Variants in NUMB observed in about 807,000 individuals in gnomAD.
NUMB encodes NUMB endocytic adaptor protein, also known as protein numb homolog.
In NUMB, 29 loss-of-function variants were observed where a neutral mutation model predicts 59.7. That is an observed-to-expected ratio of 0.49 (90% CI 0.36 to 0.66). The LOEUF (loss-of-function observed/expected upper bound fraction) is 0.66. NUMB is among the 30% of genes least tolerant of loss of function. NUMB has a pLI of 0.00. For missense variants in NUMB, 723 were observed against 822.0 expected (o/e 0.88, Z 1.47); for synonymous variants, 288 against 288.2 (o/e 1.00, Z 0.01).
chr14:73,300,437 G>C (rs1326501394), intron 6 of NUMB, among the ~76,000 whole-genome samples: 1 of 152,142 alleles, frequency 6.6e-6, no homozygotes, highest in Non-Finnish European at 1.5e-5. Context: ...CTTTGCTGGG[G>C]AGAGGAAAGA....
chr14:73,313,236 C>A (rs893233932), intron 6 of NUMB, among the ~76,000 whole-genome samples: 5 of 152,084 alleles, frequency 3.3e-5, no homozygotes, highest in Non-Finnish European at 5.9e-5. Flanking sequence ...GCAATCCACC[C>A]GCCCTTGGCC....
rs1889838318 is a variant in NUMB at position 73,297,198 on chromosome 14, TA to T, written c.309+12del. ...AAAATAAAATAAATCAAAATAAAAATAAAGAATCTTACCTTAGTTTTTTCAT... is the reference window on the plus strand; with the variant it reads ...AAAATAAAATAAATCAAAATAAAAATAAGAATCTTACCTTAGTTTTTTCAT... On this transcript the variant is annotated intron_variant, in intron 7 of 12. Coordinates refer to ENST00000555238, the MANE Select transcript of NUMB (RefSeq NM_001005743.2). The T allele has an allele frequency of 2.6e-6, 4 of 1,528,368 alleles. No individual in the cohort carries two copies. The highest frequency in any genetic ancestry group is 3.4e-4 in the Middle Eastern group (2 of 5,856). 94.7% of individuals were successfully genotyped at this position (1,528,368 alleles called of 1,614,324 possible). A position where few individuals can be genotyped will look rare whatever the true frequency, so the allele number is the denominator to read the frequency against.
At chr14:73,322,975 G>A in intron 5 of NUMB, 155 bp downstream of exon 5, 1 of 577,636 alleles carries the variant, frequency 1.7e-6, no homozygotes, top group Non-Finnish European at 3.0e-6. Flanking sequence ...ACAGGAGTGA[G>A]CCACCGCGCT....
At chr14:73,295,059 C>CA (rs1168287763) in intron 7 of NUMB, among the ~76,000 whole-genome samples, 14,470 of 66,846 alleles carry the variant, frequency 0.22, 1,925 homozygotes, top group African/African-American at 0.3. Context: ...GGCACTGTCT[C>CA]AAAAAAAAAA....
chr14:73,279,254 C>A lies in NUMB; in HGVS notation c.1240+27G>T, dbSNP rs559031272. On this transcript the variant is annotated intron_variant, in intron 12 of 12. Transcript: ENST00000555238. ...AGGGTCACTTATCTGATCCCAGAATCCTCAACACCATCTGTGGCCACCTTA... is the reference window on the plus strand; with the variant it reads ...AGGGTCACTTATCTGATCCCAGAATACTCAACACCATCTGTGGCCACCTTA... 50 of 1,614,074 alleles carry A rather than the reference C, an allele frequency of 3.1e-5. 3 individuals are homozygous for A. The South Asian group carries it at 5.1e-4, about 16-fold the overall frequency.
At chr14:73,319,049 G>A (rs1202006913) in intron 5 of NUMB, among the ~76,000 whole-genome samples, 1 of 152,152 alleles carries the variant, frequency 6.6e-6, no homozygotes, top group African/African-American at 2.4e-5. Context: ...CCAGGCTGGT[G>A]GATCACCTAA....
intron 1 of NUMB, chr14:73,457,619 G>A (rs1343379989): frequency 6.6e-6 from 1 of 152,226 alleles, no homozygotes; most frequent in Non-Finnish European, 1.5e-5. Context: ...CTCCCCTGCT[G>A]GCTCCTCACC....
chr14:73,277,249 A>G lies in NUMB; in HGVS notation c.1285T>C (p.Phe429Leu). 6.2e-7 allele frequency: 1 copy of G among 1,607,158 alleles called. No homozygotes were observed. Among genetic ancestry groups the G allele is most frequent in the Non-Finnish European group, 8.5e-7 (1 of 1,174,210 alleles). ...QSSGAASPGL[F>L]QAGHRRTPSE... The stretch of plus-strand genomic sequence containing the variant: ...GGAGTACGTCTATGACCGGCCTGGA[A>G]GAGACCTGGAGAGGCAGCACCAGAA... Residue 429 changes from phenylalanine to leucine, a missense_variant, in exon 13 of 13, where the codon TTC (phenylalanine) becomes CTC (leucine). By Grantham distance (22) the Phe-to-Leu change is conservative (BLOSUM62 0). Transcript: ENST00000555238.
At chr14:73,375,693 A>G (rs1450277095) in intron 2 of NUMB, among the ~76,000 whole-genome samples, 3 of 152,226 alleles carry the variant, frequency 2.0e-5, no homozygotes, top group African/African-American at 7.2e-5. Flanking sequence ...CAGAACATAT[A>G]AAAAGAATTA....
At chr14:73,292,972 C>G in intron 7 of NUMB, 98 bp from the exon 8 acceptor site, 1 of 1,185,150 alleles carries the variant, frequency 8.4e-7, no homozygotes, top group East Asian at 2.4e-5. Flanking sequence ...ATCCATACAT[C>G]TGATACAACT....
intron 1 of NUMB, among the ~76,000 whole-genome samples, chr14:73,413,140 A>G (rs1197665461): frequency 1.3e-5 from 2 of 151,640 alleles, no homozygotes; most frequent in Non-Finnish European, 2.9e-5. Flanking sequence ...GCTGGAGTGC[A>G]GTGGCGTGAT....
intron 11 of NUMB, 96 bp downstream of exon 11, chr14:73,282,263 C>A (rs1290014546): frequency 4.0e-6 from 5 of 1,253,302 alleles, no homozygotes; most frequent in Non-Finnish European, 5.6e-6. Flanking sequence ...CTGACCAGGC[C>A]TTGGGAAGCT....
At chr14:73,420,294 C>CA (rs1310498020) in intron 1 of NUMB, among the ~76,000 whole-genome samples, 1 of 152,228 alleles carries the variant, frequency 6.6e-6, no homozygotes, top group African/African-American at 2.4e-5. Context: ...GCCAGGTCAA[C>CA]AGACTCACAC....
chr14:73,374,877 T>C (rs1220722113), intron 2 of NUMB, among the ~76,000 whole-genome samples: 2 of 151,922 alleles, frequency 1.3e-5, no homozygotes, highest in African/African-American at 4.8e-5. Flanking sequence ...CCCACCACCA[T>C]GCCCAGCTAA....
intron 1 of NUMB, among the ~76,000 whole-genome samples, chr14:73,446,605 A>C (rs1181668910): frequency 1.8e-5 from 2 of 112,264 alleles, no homozygotes; most frequent in Admixed American, 8.0e-5. Flanking sequence ...ACTTTGTCTC[A>C]AAAAAAAAAA....
At chr14:73,351,501 T>A (rs8011215) in intron 4 of NUMB, among the ~76,000 whole-genome samples, 109,704 of 151,896 alleles carry the variant, frequency 0.72, 39,776 homozygotes, top group East Asian at 0.82. Context: ...ATAAATAAAT[T>A]AATTAATTAA....
At chr14:73,351,177 T>A (rs1385809532) in intron 4 of NUMB, among the ~76,000 whole-genome samples, 1 of 152,170 alleles carries the variant, frequency 6.6e-6, no homozygotes, top group Non-Finnish European at 1.5e-5. Flanking sequence ...CATACATTTT[T>A]AAAATAAATA....
At chr14:73,332,265 CTTTTT>C (rs573148918) in intron 4 of NUMB, among the ~76,000 whole-genome samples, 2 of 147,918 alleles carry the variant, frequency 1.4e-5, no homozygotes, top group East Asian at 3.9e-4. Flanking sequence ...TTTTTTTTTT[CTTTTT>C]TTTGAGACAG....
intron 7 of NUMB, among the ~76,000 whole-genome samples, chr14:73,294,786 T>C (rs1422373340): frequency 1.8e-5 from 1 of 55,278 alleles, no homozygotes; most frequent in African/African-American, 7.1e-5. Flanking sequence ...CCCAAAGTGC[T>C]GGGATTACAG....
Sources: allele counts gnomAD v4.1 joint callset (sites outside exome capture counted in the v4.1 genomes callset), GRCh38; gene constraint gnomAD v4.1.1; transcripts MANE v1.5; gene names NCBI Gene and HGNC (gene_info 2026-07-23, HGNC 2026-07-21).